The following SPATS2L variants were observed in gnomAD, a reference collection of about 807,000 sequenced individuals.
SPATS2L encodes spermatogenesis associated serine rich 2 like, also known as SPATS2-like protein.
Under a neutral mutation model 59.6 loss-of-function variants are expected in SPATS2L, and 30 were observed. The observed-to-expected ratio is 0.50, with a 90% CI of 0.38 to 0.68. The LOEUF (loss-of-function observed/expected upper bound fraction) is 0.68. SPATS2L is among the 30% of genes least tolerant of loss of function. The pLI is 0.00. For missense variants in SPATS2L, 615 were observed against 700.0 expected (o/e 0.88, Z 1.37); for synonymous variants, 252 against 263.5 (o/e 0.96, Z 0.42).
intron 2 of SPATS2L, among the ~76,000 whole-genome samples, chr2:200,357,438 G>C (rs1327925032): frequency 6.6e-6 from 1 of 152,208 alleles, no homozygotes; most frequent in Non-Finnish European, 1.5e-5. Flanking sequence ...TTTCAGCTCA[G>C]CCTGTCACTT....
chr2:200,453,298 C>A lies in SPATS2L; in HGVS notation c.789-6471C>A, dbSNP rs72922081. On this transcript the variant is annotated intron_variant, in intron 8 of 12. Transcript: ENST00000409140. ...ACGTGAGTGCCCTTTACAGTTAGGGCTGCCAGGCCTCCTGACCCTGGGAAT... is the reference window on the plus strand; with the variant it reads ...ACGTGAGTGCCCTTTACAGTTAGGGATGCCAGGCCTCCTGACCCTGGGAAT... Among the ~76,000 whole-genome samples the A allele has an allele frequency of 3.6e-3, 543 of 152,336 alleles. 3 individuals are homozygous for A. Among genetic ancestry groups the A allele is most frequent in the South Asian group, 7.0e-3 (34 of 4,828 alleles).
rs185337010 is a variant in SPATS2L, at chr2:200,417,894, G to A, written c.199-1356G>A. Among the ~76,000 whole-genome samples, 206 of 152,282 alleles carry A rather than the reference G, an allele frequency of 1.4e-3. 1 individual carries two copies. The highest frequency in any genetic ancestry group is 4.7e-3 in the African/African-American group (194 of 41,566). ...GACAGGGTCTTTCTTATGGGTCGGC[G>A]TCTGTTCTGATTGGCCGGGGCTGGT... is the stretch of plus-strand genomic sequence containing the variant. On this transcript the variant is annotated intron_variant, in intron 5 of 12. Coordinates refer to ENST00000409140, the MANE Select transcript of SPATS2L (RefSeq NM_001100423.2).
rs72922054 is a variant in SPATS2L at position 200,448,510 on chromosome 2, T to G, written c.788+7726T>G. ...AGTTCAGTGTGTTTTTGGTTTTGTT[T>G]TTAATAAAATCAAGTGTTTGAATTG... is the stretch of plus-strand genomic sequence containing the variant. On this transcript the variant is annotated intron_variant, in intron 8 of 12. Coordinates refer to ENST00000409140, the MANE Select transcript of SPATS2L (RefSeq NM_001100423.2). 4.7e-3 allele frequency among the ~76,000 whole-genome samples: 718 copies of G among 152,330 alleles called. 3 individuals are homozygous for G. The highest frequency in any genetic ancestry group is 7.7e-3 in the Non-Finnish European group (522 of 68,042).
intron 2 of SPATS2L, among the ~76,000 whole-genome samples, chr2:200,349,390 C>G (rs546353024): frequency 6.6e-6 from 1 of 152,320 alleles, no homozygotes; most frequent in Admixed American, 6.5e-5. Flanking sequence ...AATCCCAGCA[C>G]TTTGGGAGGC....
At chr2:200,423,074 A>G (rs1030041848) in intron 6 of SPATS2L, among the ~76,000 whole-genome samples, 1 of 152,224 alleles carries the variant, frequency 6.6e-6, no homozygotes, top group Non-Finnish European at 1.5e-5. Context: ...CATCCTGGGT[A>G]GGACAGAGTG....
At chr2:200,307,588 A>C (rs993211569) in intron 1 of SPATS2L, among the ~76,000 whole-genome samples, 1 of 152,162 alleles carries the variant, frequency 6.6e-6, no homozygotes, top group Admixed American at 6.5e-5. Context: ...GGGACCCCGG[A>C]GTCCGCGGGC....
chr2:200,399,302 T>C (rs547168516), intron 3 of SPATS2L, among the ~76,000 whole-genome samples: 16 of 152,320 alleles, frequency 1.1e-4, no homozygotes, highest in African/African-American at 3.8e-4. Flanking sequence ...ATGCTTCATA[T>C]GAGGGGAGTC....
chr2:200,462,547 A>G lies in SPATS2L; in HGVS notation c.847+2720A>G, dbSNP rs148317960. Among the ~76,000 whole-genome samples the G allele has an allele frequency of 3.1e-3, 476 of 152,348 alleles. 2 individuals carry two copies. The highest frequency in any genetic ancestry group is 0.01 in the African/African-American group (436 of 41,578). ...CCATTTGCATGCTTTTGAGGCAGGC[A>G]GAACTGAGTTCAAGTCCAACCTCCA... On this transcript the variant is annotated intron_variant, in intron 9 of 12. Coordinates refer to ENST00000409140, the MANE Select transcript of SPATS2L (RefSeq NM_001100423.2).
intron 10 of SPATS2L, among the ~76,000 whole-genome samples, chr2:200,468,533 G>A (rs1045397512): frequency 2.0e-5 from 3 of 152,176 alleles, no homozygotes; most frequent in East Asian, 1.9e-4. Context: ...CCTCCTGGTT[G>A]GGCATGAAAG....
chr2:200,347,336 C>T (rs902646086), intron 2 of SPATS2L, among the ~76,000 whole-genome samples: 1 of 152,140 alleles, frequency 6.6e-6, no homozygotes, highest in Non-Finnish European at 1.5e-5. Context: ...GTGGGAGTTC[C>T]AGGAAACCTC....
chr2:200,332,394 G>A (rs2105798334), intron 2 of SPATS2L, among the ~76,000 whole-genome samples: 1 of 152,154 alleles, frequency 6.6e-6, no homozygotes, highest in South Asian at 2.1e-4. Flanking sequence ...ACAGGTGCAT[G>A]CCACCACAAC....
At chr2:200,350,487 T>C (rs954757209) in intron 2 of SPATS2L, among the ~76,000 whole-genome samples, 2 of 152,282 alleles carry the variant, frequency 1.3e-5, no homozygotes, top group Non-Finnish European at 1.5e-5. Flanking sequence ...TTATTTAAAT[T>C]TTTCTCTCAA....
At chr2:200,320,005 A>G (rs2079512737) in intron 1 of SPATS2L, among the ~76,000 whole-genome samples, 1 of 152,206 alleles carries the variant, frequency 6.6e-6, no homozygotes. Flanking sequence ...ACACTTGGAA[A>G]TGTTACTTTG....
chr2:200,439,586 C>T (rs924919661), intron 7 of SPATS2L, among the ~76,000 whole-genome samples: 1 of 152,200 alleles, frequency 6.6e-6, no homozygotes, highest in African/African-American at 2.4e-5. Context: ...CATGGATAAA[C>T]TTACACCACA....
chr2:200,451,587 GAAGAGC>G (rs959832256), intron 8 of SPATS2L, among the ~76,000 whole-genome samples: 1 of 152,144 alleles, frequency 6.6e-6, no homozygotes, highest in Non-Finnish European at 1.5e-5. Flanking sequence ...TGATTGTGGG[GAAGAGC>G]CTTCTAGGCC....
intron 8 of SPATS2L, among the ~76,000 whole-genome samples, chr2:200,452,031 G>C (rs987135707): frequency 4.6e-5 from 7 of 152,058 alleles, no homozygotes; most frequent in Non-Finnish European, 8.8e-5. Context: ...CTCCTGACCT[G>C]AGGTGATCTG....
intron 2 of SPATS2L, among the ~76,000 whole-genome samples, chr2:200,351,802 A>G (rs567818614): frequency 1.4e-4 from 22 of 152,262 alleles, no homozygotes; most frequent in Non-Finnish European, 2.6e-4. Context: ...GTTGGCTTCT[A>G]GAAATATCTG....
rs545020413 is a variant in SPATS2L, at chr2:200,415,450, A to T, written c.149-929A>T. Among the ~76,000 whole-genome samples, 51 of 152,266 alleles carry T rather than the reference A, an allele frequency of 3.3e-4. 1 individual carries two copies. The highest frequency in any genetic ancestry group is 1.2e-3 in the African/African-American group (49 of 41,572). ...ATATTTAGATTGTATGAGAATTTTT[A>T]AAATTGTTAAAAGAATATACTTAAA... On this transcript the variant is annotated intron_variant, in intron 4 of 12. Coordinates refer to ENST00000409140, the MANE Select transcript of SPATS2L (RefSeq NM_001100423.2).
intron 2 of SPATS2L, among the ~76,000 whole-genome samples, chr2:200,364,054 G>T (rs530344423): frequency 6.6e-6 from 1 of 152,174 alleles, no homozygotes; most frequent in Non-Finnish European, 1.5e-5. Context: ...TGTTACTGTG[G>T]AATAATGGTC....
Sources: allele counts gnomAD v4.1 joint callset (sites outside exome capture counted in the v4.1 genomes callset), GRCh38; gene constraint gnomAD v4.1.1; transcripts MANE v1.5; gene names NCBI Gene and HGNC (gene_info 2026-07-23, HGNC 2026-07-21).